Variants in KHDRBS2 observed in about 807,000 individuals in gnomAD.
The protein encoded by KHDRBS2 is KH RNA binding domain containing, signal transduction associated 2, also known as KH domain-containing, RNA-binding, signal transduction-associated protein 2.
A neutral mutation model predicts 44.3 loss-of-function variants in KHDRBS2; 26 were observed. The ratio of observed to expected loss-of-function variants is 0.59; its 90% confidence interval spans 0.43 to 0.81. KHDRBS2 has a LOEUF of 0.81. KHDRBS2 is among the 40% of genes least tolerant of loss of function. The pLI, the probability that KHDRBS2 is intolerant of heterozygous loss-of-function variation, is 0.00. For synonymous variants in KHDRBS2, 194 were observed against 151.1 expected (o/e 1.28, Z -2.08); for missense variants, 476 against 433.1 (o/e 1.10, Z -0.88).
intron 3 of KHDRBS2, among the ~76,000 whole-genome samples, chr6:61,992,343 G>A (rs188987779): frequency 4.6e-5 from 7 of 152,184 alleles, no homozygotes; most frequent in Non-Finnish European, 1.0e-4. Context: ...ACGTTTCTTA[G>A]AAATTACCAT....
intron 3 of KHDRBS2, among the ~76,000 whole-genome samples, chr6:62,038,975 A>C (rs1196779222): frequency 1.3e-5 from 2 of 152,080 alleles, no homozygotes; most frequent in African/African-American, 2.4e-5. Flanking sequence ...AAGCTATTTA[A>C]GTAAATTTTC....
At chr6:61,947,900 C>A (rs1516723) in intron 4 of KHDRBS2, among the ~76,000 whole-genome samples, 130,118 of 149,266 alleles carry the variant, frequency 0.87, 57,162 homozygotes, top group African/African-American at 0.97. Flanking sequence ...GACAAAACCC[C>A]CACACACACA....
At chr6:62,253,608 G>T (rs1836901984) in intron 1 of KHDRBS2, among the ~76,000 whole-genome samples, 1 of 151,782 alleles carries the variant, frequency 6.6e-6, no homozygotes, top group Non-Finnish European at 1.5e-5. Context: ...ATCTATGAAT[G>T]AATAAAACTG....
the KHDRBS2 span, among the ~76,000 whole-genome samples, chr6:61,638,768 ATAT>A: frequency 2.6e-5 from 4 of 152,154 alleles, no homozygotes; most frequent in Non-Finnish European, 5.9e-5. Context: ...AAGCAGAAAA[ATAT>A]TATAAACTTC....
the KHDRBS2 span, among the ~76,000 whole-genome samples, chr6:61,619,519 A>G: frequency 6.6e-6 from 1 of 151,880 alleles, no homozygotes; most frequent in African/African-American, 2.4e-5. Flanking sequence ...CAATGGTGCA[A>G]CCTCAGCTCA....
chr6:62,108,515 C>G (rs1466890573), intron 2 of KHDRBS2, among the ~76,000 whole-genome samples: 1 of 152,122 alleles, frequency 6.6e-6, no homozygotes, highest in African/African-American at 2.4e-5. Flanking sequence ...TAAACTAGTT[C>G]AACCATCGTG....
At chr6:61,556,499 G>T in the KHDRBS2 span, among the ~76,000 whole-genome samples, 1 of 152,150 alleles carries the variant, frequency 6.6e-6, no homozygotes, top group African/African-American at 2.4e-5. Context: ...CTTCTTTGAA[G>T]TGATAGGCTC....
At chr6:62,261,562 G>C (rs1471357145) in intron 1 of KHDRBS2, among the ~76,000 whole-genome samples, 1 of 151,794 alleles carries the variant, frequency 6.6e-6, no homozygotes, top group Non-Finnish European at 1.5e-5. Context: ...TTCTAAATAA[G>C]AGACAGATGA....
chr6:61,994,322 T>C (rs1255546929), intron 3 of KHDRBS2, among the ~76,000 whole-genome samples: 1 of 152,104 alleles, frequency 6.6e-6, no homozygotes. Flanking sequence ...AAAGAATGTC[T>C]TTCAAGACCA....
chr6:61,716,937 T>C (rs1351804763), intron 7 of KHDRBS2, among the ~76,000 whole-genome samples: 4 of 152,068 alleles, frequency 2.6e-5, no homozygotes, highest in Non-Finnish European at 5.9e-5. Context: ...TGTTTCCTCC[T>C]GAGGAGTGTT....
At chr6:61,973,705 A>G (rs970036196) in intron 4 of KHDRBS2, among the ~76,000 whole-genome samples, 1 of 150,946 alleles carries the variant, frequency 6.6e-6, no homozygotes, top group African/African-American at 2.5e-5. Context: ...ACATAAGTAT[A>G]TAAGTTATAT....
chr6:61,671,821 T>A, the KHDRBS2 span, among the ~76,000 whole-genome samples: 1 of 151,798 alleles, frequency 6.6e-6, no homozygotes, highest in Non-Finnish European at 1.5e-5. Context: ...AGTTTGAAAT[T>A]GACCCTTATT....
At chr6:62,216,496 G>A (rs1829993237) in intron 1 of KHDRBS2, among the ~76,000 whole-genome samples, 1 of 151,356 alleles carries the variant, frequency 6.6e-6, no homozygotes, top group Non-Finnish European at 1.5e-5. Context: ...TAAAGGTTAG[G>A]GATCTAAGAG....
chr6:62,102,346 T>C (rs545361219), intron 2 of KHDRBS2, among the ~76,000 whole-genome samples: 13 of 152,320 alleles, frequency 8.5e-5, no homozygotes, highest in Admixed American at 5.2e-4. Flanking sequence ...GTTCCAGCTA[T>C]GGCTGGACCA....
the KHDRBS2 span, among the ~76,000 whole-genome samples, chr6:61,597,396 C>G: frequency 6.6e-6 from 1 of 151,826 alleles, no homozygotes; most frequent in Non-Finnish European, 1.5e-5. Flanking sequence ...AACTCCTGAC[C>G]CCTAGGGCTC....
At chr6:61,696,801 A>G (rs1430799928) in intron 8 of KHDRBS2, among the ~76,000 whole-genome samples, 1 of 152,138 alleles carries the variant, frequency 6.6e-6, no homozygotes, top group East Asian at 1.9e-4. Flanking sequence ...GAGTTATTTT[A>G]TAGTAACAAT....
the KHDRBS2 span, among the ~76,000 whole-genome samples, chr6:61,617,471 T>G: frequency 2.6e-5 from 4 of 152,164 alleles, no homozygotes; most frequent in African/African-American, 9.7e-5. Flanking sequence ...ATTATTTTGT[T>G]GCAGCAGTGC....
chr6:61,942,001 C>A (rs1812231472), intron 4 of KHDRBS2, among the ~76,000 whole-genome samples: 3 of 151,978 alleles, frequency 2.0e-5, no homozygotes, highest in Admixed American at 1.3e-4. Flanking sequence ...TGTTCTGTGA[C>A]CCAGGCTGGA....
chr6:62,209,114 T>A (rs1828571412), intron 1 of KHDRBS2, among the ~76,000 whole-genome samples: 5 of 152,176 alleles, frequency 3.3e-5, no homozygotes. Context: ...TGATAAAGGT[T>A]AATATTCAAA....
Sources: allele counts gnomAD v4.1 joint callset (sites outside exome capture counted in the v4.1 genomes callset), GRCh38; gene constraint gnomAD v4.1.1; transcripts MANE v1.5; gene names NCBI Gene and HGNC (gene_info 2026-07-23, HGNC 2026-07-21).